PHF24: variants seen among roughly 807,000 people sequenced by gnomAD.
PHF24 encodes the protein Galpha inhibitory interacting protein.
PHF24 carries 25 observed loss-of-function variants against 42.6 expected under a neutral mutation model. The ratio of observed to expected loss-of-function variants is 0.59; its 90% CI spans 0.43 to 0.82. PHF24 has a LOEUF of 0.82. PHF24 is among the 40% of genes least tolerant of loss of function. The pLI, the probability that PHF24 is intolerant of heterozygous loss-of-function variation, is 0.00. For synonymous variants in PHF24, 185 were observed against 204.8 expected, an observed-to-expected ratio of 0.90 and a Z score of 0.83; for missense variants, 470 against 538.1, an observed-to-expected ratio of 0.87 and a Z score of 1.25.
At chr9:34,848,157 A>G in the PHF24 span, among the ~76,000 whole-genome samples, 1 of 151,512 alleles carries the variant, frequency 6.6e-6, no homozygotes, top group African/African-American at 2.4e-5. Context: ...ATTGATTGGA[A>G]TAGTTTCAGA....
chr9:34,768,098 A>G, the PHF24 span, among the ~76,000 whole-genome samples: 5 of 152,170 alleles, frequency 3.3e-5, no homozygotes, highest in African/African-American at 9.7e-5. Flanking sequence ...TATTGCATCT[A>G]TCTCCTCTGC....
chr9:34,923,407 G>A, the PHF24 span, among the ~76,000 whole-genome samples: 1 of 152,098 alleles, frequency 6.6e-6, no homozygotes, highest in Admixed American at 6.5e-5. Context: ...ATTGGTATTA[G>A]TCCTTCTTTA....
the PHF24 span, among the ~76,000 whole-genome samples, chr9:34,743,667 G>T: frequency 2.6e-5 from 4 of 152,156 alleles, no homozygotes; most frequent in Non-Finnish European, 5.9e-5. Flanking sequence ...GAGTTTGTGC[G>T]AAAAATTTAC....
chr9:34,723,991 C>A, the PHF24 span: 199,911 of 1,549,520 alleles, frequency 0.13, 13,569 homozygotes, highest in Middle Eastern at 0.2. Flanking sequence ...TCCCTGCTGG[C>A]CTCTGGTCTT....
the PHF24 span, among the ~76,000 whole-genome samples, chr9:34,868,162 G>A: frequency 2.0e-5 from 3 of 152,166 alleles, no homozygotes; most frequent in African/African-American, 7.2e-5. Context: ...TACTTCTGGG[G>A]AAGCAGAGTG....
chr9:34,849,756 T>A, the PHF24 span, among the ~76,000 whole-genome samples: 13,976 of 152,114 alleles, frequency 0.092, 1,480 homozygotes, highest in African/African-American at 0.26. Context: ...TTCCTTTCCA[T>A]GTTTAGTGCT....
chr9:34,668,478 C>A, the PHF24 span, among the ~76,000 whole-genome samples: 1 of 152,206 alleles, frequency 6.6e-6, no homozygotes, highest in Admixed American at 6.5e-5. Flanking sequence ...CCATGTCACA[C>A]AGGACGTAAA....
chr9:34,773,920 G>A, the PHF24 span, among the ~76,000 whole-genome samples: 144 of 152,300 alleles, frequency 9.5e-4, no homozygotes, highest in Non-Finnish European at 1.2e-3. Flanking sequence ...ATGGAAAATA[G>A]CATTGGGTAA....
chr9:34,822,633 A>G, the PHF24 span, among the ~76,000 whole-genome samples: 1 of 152,184 alleles, frequency 6.6e-6, no homozygotes. Context: ...AGAATAATAT[A>G]TTGCAATGGA....
the PHF24 span, among the ~76,000 whole-genome samples, chr9:34,864,155 A>T: frequency 2.0e-5 from 3 of 152,372 alleles, no homozygotes; most frequent in East Asian, 5.8e-4. Flanking sequence ...AGGATCCAGG[A>T]AATATCCTCA....
At chr9:34,893,560 C>T in the PHF24 span, among the ~76,000 whole-genome samples, 4 of 151,170 alleles carry the variant, frequency 2.6e-5, no homozygotes, top group Admixed American at 2.0e-4. Context: ...GAGATTGTGC[C>T]GTTGTACTCC....
chr9:34,727,189 G>T, the PHF24 span, among the ~76,000 whole-genome samples: 4 of 152,252 alleles, frequency 2.6e-5, no homozygotes, highest in Non-Finnish European at 5.9e-5. Flanking sequence ...TCTGGAGCTT[G>T]TTGGGCAAGG....
the PHF24 span, among the ~76,000 whole-genome samples, chr9:34,672,160 G>A: frequency 6.6e-6 from 1 of 151,830 alleles, no homozygotes; most frequent in Non-Finnish European, 1.5e-5. Flanking sequence ...ACCCCTTTTT[G>A]TGGTTCCTGT....
At chr9:34,897,766 C>T in the PHF24 span, among the ~76,000 whole-genome samples, 1 of 152,076 alleles carries the variant, frequency 6.6e-6, no homozygotes. Flanking sequence ...GGTTTTGGTG[C>T]ACCCATCACC....
At chr9:34,788,031 C>CTGTTTTGTTT in the PHF24 span, among the ~76,000 whole-genome samples, 1 of 151,940 alleles carries the variant, frequency 6.6e-6, no homozygotes, top group East Asian at 1.9e-4. Context: ...TCAGAAGCAA[C>CTGTTTTGTTT]TGTTTTGTTT....
chr9:34,971,548 G>A, exon 2 of PHF24: 1 of 1,614,188 alleles, frequency 6.2e-7, no homozygotes, highest in Non-Finnish European at 8.5e-7. Context: ...GCGGCTCCGA[G>A]ATGGGCGCGG....
chr9:34,778,022 G>A, the PHF24 span, among the ~76,000 whole-genome samples: 3 of 152,178 alleles, frequency 2.0e-5, no homozygotes, highest in Admixed American at 1.3e-4. Flanking sequence ...AGCTAATTCT[G>A]GCCAATCGGG....
chr9:34,806,541 C>T, the PHF24 span, among the ~76,000 whole-genome samples: 1 of 152,146 alleles, frequency 6.6e-6, no homozygotes, highest in African/African-American at 2.4e-5. Context: ...TCACTGAGAC[C>T]TCCACCTCCT....
the PHF24 span, chr9:34,832,780 G>T: frequency 6.4e-7 from 1 of 1,550,880 alleles, no homozygotes; most frequent in African/African-American, 1.4e-5. Context: ...GCCTGAGTTG[G>T]TTGGCTCAGG....
Sources: allele counts gnomAD v4.1 joint callset (sites outside exome capture counted in the v4.1 genomes callset), GRCh38; gene constraint gnomAD v4.1.1; transcripts MANE v1.5; gene names NCBI Gene and HGNC (gene_info 2026-07-23, HGNC 2026-07-21).